The following PUS1 variants were observed in gnomAD, a reference collection of about 807,000 sequenced individuals.
The protein encoded by PUS1 is pseudouridylate synthase 1 homolog.
PUS1 carries 25 observed loss-of-function variants against 38.5 expected under a neutral mutation model. The ratio of observed to expected loss-of-function variants is 0.65; its 90% confidence interval spans 0.47 to 0.91. PUS1 has a LOEUF of 0.91. PUS1 is among the 40% of genes least tolerant of loss of function. PUS1 has a pLI of 0.00. For missense variants in PUS1, 597 were observed against 612.3 expected, an observed-to-expected ratio of 0.97 and a Z score of 0.26; for synonymous variants, 282 against 260.4, an observed-to-expected ratio of 1.08 and a Z score of -0.80.
chr12:131,943,568 G>A lies in PUS1; in HGVS notation c.1266G>A (p.Gly422=), dbSNP rs201441662. The change falls in exon 6 of 6, where the codon GGG becomes GGA. Residue 422 remains glycine (G), a synonymous_variant. Transcript: ENST00000376649. ...CCAGTCCCCTGGAAGGCAGTGAAGGGGACGGAGACACTGACTGAGGCGATG... is the reference window on the plus strand; with the variant it reads ...CCAGTCCCCTGGAAGGCAGTGAAGGAGACGGAGACACTGACTGAGGCGATG... The part of the protein sequence containing the change: ...KVPSPLEGSE[G]DGDTD The A allele has an allele frequency of 7.7e-5, 125 of 1,613,626 alleles. No individual in the cohort carries two copies. Among genetic ancestry groups the A allele is most frequent in the Admixed American group, 5.0e-5 (3 of 60,000 alleles).
rs561534371 is a variant in PUS1, at chr12:131,932,091, C to T, written c.304-84C>T. The T allele has an allele frequency of 4.9e-6, 6 of 1,227,778 alleles. No homozygotes were observed. The African/African-American group carries it at 7.4e-5, about 15-fold the overall frequency. 76.1% of individuals were successfully genotyped at this position (1,227,778 alleles called of 1,614,324 possible). On this transcript the variant is annotated intron_variant, in intron 2 of 5. Transcript: ENST00000376649. ...TTCAGGAGGCCAGAGGAGTAAGCGG[C>T]CAGGAGTTCGAGACCAGCCTGGGCA...
rs1325679818 is a variant in PUS1 at position 131,941,598 on chromosome 12, TGAA to T, written c.853_855del (p.Lys285del). 6.2e-7 allele frequency: 1 copy of T among 1,613,972 alleles called. No individual in the cohort carries two copies. The highest frequency in any genetic ancestry group is 1.3e-5 in the African/African-American group (1 of 74,884). On this transcript the variant is annotated inframe_deletion, in exon 5 of 6. Transcript: ENST00000376649. This position sits in a 1 kb window ranked among gnomAD's most constrained non-coding sequence, Gnocchi z 4.4. ...GGCCTGGAGTTTGCGGTGATCAGGG[TGAA>T]GGGCCAGAGCTTCATGATGCATCAG...
intron 4 of PUS1, among the ~76,000 whole-genome samples, chr12:131,939,941 G>A (rs1215878739): frequency 6.6e-6 from 1 of 152,070 alleles, no homozygotes; most frequent in Non-Finnish European, 1.5e-5. Context: ...GTGTGGCTGG[G>A]CGTGAATCTG....
chr12:131,942,932 A>C (rs1891154975), intron 5 of PUS1, among the ~76,000 whole-genome samples: 1 of 152,246 alleles, frequency 6.6e-6, no homozygotes, highest in African/African-American at 2.4e-5. Flanking sequence ...AGAGGCCCCC[A>C]GCCCAGGGAC....
Position 131,931,071 on chromosome 12 carries a change from C to T in PUS1, c.303+936C>T, listed in dbSNP as rs188805048. 3.3e-5 allele frequency among the ~76,000 whole-genome samples: 5 copies of T among 152,338 alleles called. No homozygotes were observed. In the East Asian group the frequency reaches 9.6e-4, roughly 29 times the overall value. On this transcript the variant is annotated intron_variant, in intron 2 of 5. Transcript: ENST00000376649. Reference sequence around the variant, plus strand: ...TCCACAGAAGTTCATGCAGTGCGTGCAGTGTCTGACTGAAACAAAAGTTTA... The same window carrying T: ...TCCACAGAAGTTCATGCAGTGCGTGTAGTGTCTGACTGAAACAAAAGTTTA...
intron 4 of PUS1, among the ~76,000 whole-genome samples, chr12:131,940,466 A>G (rs951950553): frequency 2.6e-5 from 4 of 152,160 alleles, no homozygotes; most frequent in African/African-American, 4.8e-5. Flanking sequence ...AGGACATTGG[A>G]TGATTTCTAG....
At position 131,941,923 on chromosome 12, in the gene PUS1, C is replaced by A; in HGVS notation, c.1176C>A (p.Ser392Arg). The change falls in exon 5 of 6, where the codon AGC becomes AGA. Residue 392 changes from serine to arginine, a missense_variant. Physicochemically the swap from Ser to Arg is moderately radical, Grantham distance 110 (BLOSUM62 -1). Transcript: ENST00000376649. This position sits in a 1 kb window ranked among gnomAD's most constrained non-coding sequence, Gnocchi z 4.4. Reference protein sequence around the residue: ...RDERSMAQWLSTLPIHNFSAT... With the variant: ...RDERSMAQWLRTLPIHNFSAT... ...AACGCTCCATGGCCCAGTGGCTGAG[C>A]ACCTTGCCCATCCACAACTTCAGTG... is the stretch of plus-strand genomic sequence containing the variant. 1.2e-6 allele frequency: 2 copies of A among 1,612,840 alleles called. No individual in the cohort carries two copies. Among genetic ancestry groups the A allele is most frequent in the Non-Finnish European group, 1.7e-6 (2 of 1,179,976 alleles).
At chr12:131,933,119 C>G (rs1290869432) in intron 3 of PUS1, among the ~76,000 whole-genome samples, 1 of 152,028 alleles carries the variant, frequency 6.6e-6, no homozygotes, top group Non-Finnish European at 1.5e-5. Flanking sequence ...TGGGGATTAC[C>G]TTCAACATGA....
At position 131,943,658 on chromosome 12, in the gene PUS1, G is replaced by GGCA; in HGVS notation, c.*76_*78dup. The GGCA allele has an allele frequency of 7.8e-7, 1 of 1,288,438 alleles. No individual in the cohort carries two copies. The highest frequency in any genetic ancestry group is 1.2e-5 in the South Asian group (1 of 84,548). The allele number at this position is 1,288,438 out of a possible 1,614,324, so 79.8% of individuals were successfully genotyped here. A position where few individuals can be genotyped will look rare whatever the true frequency, so the allele number is the denominator to read the frequency against. On this transcript the variant is annotated 3_prime_UTR_variant, in exon 6 of 6. Coordinates refer to ENST00000376649, the MANE Select transcript of PUS1 (RefSeq NM_025215.6). ...TGTGCCCAGATGTGCCACCCCTGTGGGCAGCAAGAAGCTGGGATCGCTGCA... is the reference window on the plus strand; with the variant it reads ...TGTGCCCAGATGTGCCACCCCTGTGGGCAGCAGCAAGAAGCTGGGATCGCTGCA...
Position 131,943,525 on chromosome 12 carries a change from G to A in PUS1, c.1237-14G>A, listed in dbSNP as rs368472210. The A allele has an allele frequency of 2.5e-6, 4 of 1,611,744 alleles. No individual in the cohort carries two copies. Among genetic ancestry groups the A allele is most frequent in the Middle Eastern group, 1.7e-4 (1 of 6,058 alleles). Reference sequence around the variant, plus strand: ...GTGCTTGCCTCTTATTCTCCATGTGGTCTTCTTCTGCAGGTGCCCAGTCCC... The same window carrying A: ...GTGCTTGCCTCTTATTCTCCATGTGATCTTCTTCTGCAGGTGCCCAGTCCC... On this transcript the variant is annotated splice_polypyrimidine_tract_variant and intron_variant, in intron 5 of 5. Transcript: ENST00000376649.
At position 131,932,226 on chromosome 12, in the gene PUS1, G is replaced by A; in HGVS notation, c.355G>A (p.Ala119Thr). The A allele has an allele frequency of 1.2e-6, 2 of 1,613,896 alleles. No homozygotes were observed. The highest frequency in any genetic ancestry group is 8.5e-7 in the Non-Finnish European group (1 of 1,179,800). Residue 119 changes from alanine to threonine, a missense_variant, in exon 3 of 6, where the codon GCC becomes ACC. Ala to Thr is a moderately conservative substitution (Grantham distance 58). Transcript: ENST00000376649. ...AACAATTGAAGATGACTTGGTGTCCGCCCTCGTCCGGTCAGGCTGTATTCC... is the reference window on the plus strand; with the variant it reads ...AACAATTGAAGATGACTTGGTGTCCACCCTCGTCCGGTCAGGCTGTATTCC... ...FKTIEDDLVS[A>T]LVRSGCIPEN...
chr12:131,934,988 C>CCA lies in PUS1; in HGVS notation c.441+2676_441+2677insCA, dbSNP rs2136435761. The CCA allele has an allele frequency of 2.0e-5, 3 of 152,090 alleles. No homozygotes were observed. The East Asian group carries it at 5.8e-4, about 29-fold the overall frequency. 9.4% of individuals were successfully genotyped at this position (152,090 alleles called of 1,614,324 possible). On this transcript the variant is annotated intron_variant, in intron 3 of 5. Coordinates refer to ENST00000376649, the MANE Select transcript of PUS1 (RefSeq NM_025215.6). Reference sequence around the variant, plus strand: ...ATCCATGGATGCATTCTGGAGCCGTCGTACAGAGGGGAGAACACAAAGAGG... The same window carrying CCA: ...ATCCATGGATGCATTCTGGAGCCGTCCAGTACAGAGGGGAGAACACAAAGAGG...
Position 131,943,672 on chromosome 12 carries a change from G to T in PUS1, c.*86G>T. 2.7e-6 allele frequency: 3 copies of T among 1,124,522 alleles called. No homozygotes were observed. The highest frequency in any genetic ancestry group is 2.7e-6 in the Non-Finnish European group (2 of 741,506). The allele number at this position is 1,124,522 out of a possible 1,614,324, so 69.7% of individuals were successfully genotyped here. A position where few individuals can be genotyped will look rare whatever the true frequency, so the allele number is the denominator to read the frequency against. ...CCACCCCTGTGGGCAGCAAGAAGCTGGGATCGCTGCAGCCATGTTTTCCCG... is the reference window on the plus strand; with the variant it reads ...CCACCCCTGTGGGCAGCAAGAAGCTTGGATCGCTGCAGCCATGTTTTCCCG... On this transcript the variant is annotated 3_prime_UTR_variant, in exon 6 of 6. Transcript: ENST00000376649.
Position 131,945,264 on chromosome 12 carries a change from G to A in PUS1, c.*1678G>A, listed in dbSNP as rs560534145. 1.3e-5 allele frequency: 2 copies of A among 152,508 alleles called. No individual in the cohort carries two copies. The highest frequency in any genetic ancestry group is 2.1e-4 in the South Asian group (1 of 4,830). 9.4% of individuals were successfully genotyped at this position (152,508 alleles called of 1,614,324 possible). On this transcript the variant is annotated 3_prime_UTR_variant, in exon 6 of 6. Transcript: ENST00000376649. ...AGGCAGTGAGCTCCTAGGGCGTGGG[G>A]TGCCCAAGAGAGTGGAGCTGGTTTT...
At chr12:131,943,491 G>A in intron 5 of PUS1, 48 bp from the exon 6 acceptor site, 2 of 1,532,220 alleles carry the variant, frequency 1.3e-6, no homozygotes, top group Non-Finnish European at 1.8e-6. Flanking sequence ...TCCAGGAGCA[G>A]TGGAGAGAGT....
In PUS1 at chr12:131,943,577, CACTG is replaced by C. The variant is rs781173597; in HGVS notation, c.1281_1284del (p.Asp427GlufsTer118). On this transcript the variant is annotated frameshift_variant, in exon 6 of 6. Coordinates refer to ENST00000376649, the MANE Select transcript of PUS1 (RefSeq NM_025215.6). LOFTEE classifies it high-confidence loss of function. Reference sequence around the variant, plus strand: ...TGGAAGGCAGTGAAGGGGACGGAGACACTGACTGAGGCGATGGGAGCTGCCCACC... The same window carrying C: ...TGGAAGGCAGTGAAGGGGACGGAGACACTGAGGCGATGGGAGCTGCCCACC... 5.6e-6 allele frequency: 9 copies of C among 1,613,416 alleles called. No homozygotes were observed. Among genetic ancestry groups the C allele is most frequent in the Non-Finnish European group, 7.6e-6 (9 of 1,179,668 alleles).
rs921361278 is a variant in PUS1 at position 131,929,494 on chromosome 12, C to G, written c.-229C>G. The G allele has an allele frequency of 4.4e-6, 2 of 458,328 alleles. No homozygotes were observed. The highest frequency in any genetic ancestry group is 4.1e-5 in the African/African-American group (2 of 48,726). 28.4% of individuals were successfully genotyped at this position (458,328 alleles called of 1,614,324 possible). On this transcript the variant is annotated 5_prime_UTR_variant, in exon 1 of 6. Transcript: ENST00000376649. ...GTAGAGACGGGGCTTGGGCGCGGGG[C>G]CTGAGAGGTCAGGGGTCAGCAGGAG...
chr12:131,942,902 G>GT (rs1162019775), intron 5 of PUS1, among the ~76,000 whole-genome samples: 1 of 152,234 alleles, frequency 6.6e-6, no homozygotes, highest in African/African-American at 2.4e-5. Flanking sequence ...CTGGCGAGCC[G>GT]TCCTATAGAT....
At position 131,941,617 on chromosome 12, in the gene PUS1, G is replaced by A; in HGVS notation, c.870G>A (p.Met290Ile). The stretch of plus-strand genomic sequence containing the variant: ...TCAGGGTGAAGGGCCAGAGCTTCAT[G>A]ATGCATCAGATCCGGAAGATGGTCG... ...AVIRVKGQSF[M>I]MHQIRKMVGL... Residue 290 changes from methionine (M) to isoleucine (I), a missense_variant, in exon 5 of 6, where the codon ATG (methionine) becomes ATA (isoleucine). Met to Ile is a conservative substitution (Grantham distance 10, BLOSUM62 1). Transcript: ENST00000376649. This position sits in a 1 kb window ranked among gnomAD's most constrained non-coding sequence, Gnocchi z 4.4. 6.2e-7 allele frequency: 1 copy of A among 1,614,228 alleles called. No homozygotes were observed.
Sources: gnomAD v4.1 joint callset for allele counts (sites outside exome capture counted in the v4.1 genomes callset) on GRCh38, gnomAD v4.1.1 for gene constraint, Gnocchi (gnomAD v3.1) non-coding constraint, MANE v1.5 for transcripts, NCBI Gene and HGNC (gene_info 2026-07-23, HGNC 2026-07-21) for gene names.